The following MED12L variants were observed in gnomAD, a reference collection of about 807,000 sequenced individuals.
MED12L encodes the protein mediator complex subunit 12L.
MED12L carries 60 observed loss-of-function variants against 281.3 expected under a neutral mutation model. That is an observed-to-expected ratio of 0.21 (90% CI 0.17 to 0.26). The LOEUF is 0.26. Among genes scored for constraint, MED12L ranks in the 10% least tolerant of loss-of-function variants. MED12L has a pLI of 1.00. For synonymous variants in MED12L, 974 were observed against 987.2 expected (o/e 0.99, Z 0.25); for missense variants, 2,146 against 2,680.9 (o/e 0.80, Z 4.41).
At chr3:151,111,271 T>A (rs776203337) in intron 2 of MED12L, among the ~76,000 whole-genome samples, 28 of 152,222 alleles carry the variant, frequency 1.8e-4, no homozygotes, top group Non-Finnish European at 2.5e-4. Context: ...TTGCCAGCCA[T>A]TTTTATATGG....
chr3:151,293,337 G>C (rs116408791), intron 16 of MED12L, among the ~76,000 whole-genome samples: 4,412 of 152,202 alleles, frequency 0.029, 197 homozygotes, highest in African/African-American at 0.1. Flanking sequence ...CTTTTAGTCA[G>C]CAAACACGCC....
intron 5 of MED12L, among the ~76,000 whole-genome samples, chr3:151,151,001 T>TTCTTATCA (rs1272186459): frequency 6.7e-6 from 1 of 149,374 alleles, no homozygotes; most frequent in Non-Finnish European, 1.5e-5. Context: ...TTGTTTTGCT[T>TTCTTATCA]TCTTATCATT....
intron 16 of MED12L, among the ~76,000 whole-genome samples, chr3:151,227,841 G>A (rs1158616438): frequency 6.6e-6 from 1 of 152,168 alleles, no homozygotes; most frequent in East Asian, 1.9e-4. Context: ...TTCGGTTTCA[G>A]TTCTTTGTGG....
intron 16 of MED12L, among the ~76,000 whole-genome samples, chr3:151,227,390 C>A (rs1320233227): frequency 6.6e-6 from 1 of 152,114 alleles, no homozygotes; most frequent in Non-Finnish European, 1.5e-5. Flanking sequence ...CAAACAGATC[C>A]AACTCTTGAT....
chr3:151,290,089 C>T (rs1048668643), intron 16 of MED12L, among the ~76,000 whole-genome samples: 6 of 152,080 alleles, frequency 3.9e-5, no homozygotes, highest in African/African-American at 1.4e-4. Context: ...GACAGGGTTT[C>T]ACCATGTTGG....
chr3:151,336,428 A>C (rs1478460032), intron 16 of MED12L: 1 of 446,098 alleles, frequency 2.2e-6, no homozygotes, highest in Non-Finnish European at 4.5e-6. Context: ...AGAGGGTTTC[A>C]ATAAAAGTGA....
In MED12L at chr3:151,291,720, C is replaced by T. The variant is rs557052958; in HGVS notation, c.2251-58339C>T. Among the ~76,000 whole-genome samples the T allele has an allele frequency of 3.9e-5, 6 of 152,238 alleles. No homozygotes were observed. In the East Asian group the frequency reaches 1.2e-3, roughly 29 times the overall value. ...ATTATGTAACTTCTGACACTAGCAT[C>T]ATGTATTATTCCCATTGATGTTATT... On this transcript the variant is annotated intron_variant, in intron 16 of 44. Coordinates refer to ENST00000687756, the MANE Select transcript of MED12L (RefSeq NM_001393769.1).
At chr3:151,099,295 T>C (rs962959499) in intron 2 of MED12L, among the ~76,000 whole-genome samples, 13 of 152,232 alleles carry the variant, frequency 8.5e-5, no homozygotes, top group Non-Finnish European at 1.3e-4. Flanking sequence ...TTCCAAACTT[T>C]CTGCTCTTGG....
At position 151,372,576 on chromosome 3, in the gene MED12L, A is replaced by C; in HGVS notation, c.3674A>C (p.Lys1225Thr). ...LKAIMMLGDA[K>T]IGNNSVSSLK... ...TGATTCTATTACTTAGGAGATGCCAAAATTGGCAATAACAGTGTCAGCTCT... is the reference window on the plus strand; with the variant it reads ...TGATTCTATTACTTAGGAGATGCCACAATTGGCAATAACAGTGTCAGCTCT... Residue 1225 changes from lysine to threonine, a missense_variant, in exon 27 of 45, where the codon AAA becomes ACA. Around this residue, in one of 9 missense-constraint regions of MED12L, gnomAD observed 235 missense variants for 260.3 expected, o/e 0.90. Coordinates refer to ENST00000687756, the MANE Select transcript of MED12L (RefSeq NM_001393769.1). The C allele has an allele frequency of 6.2e-7, 1 of 1,613,710 alleles. No homozygotes were observed. Among genetic ancestry groups the C allele is most frequent in the South Asian group, 1.1e-5 (1 of 91,064 alleles).
In MED12L at chr3:151,169,140, C is replaced by T. The variant is rs533453608; in HGVS notation, c.1494+3158C>T. ...TTTTTTTGTTTTTTTTTTTTTGAGA[C>T]GGAGTCTCTGTCTGTCTCCCAGGCT... is the stretch of plus-strand genomic sequence containing the variant. On this transcript the variant is annotated intron_variant, in intron 11 of 44. Coordinates refer to ENST00000687756, the MANE Select transcript of MED12L (RefSeq NM_001393769.1). 3.5e-5 allele frequency among the ~76,000 whole-genome samples: 4 copies of T among 113,642 alleles called. No homozygotes were observed. The East Asian group carries it at 8.2e-4, about 23-fold the overall frequency. 74.6% of individuals were successfully genotyped at this position (113,642 alleles called of 152,430 possible). A position where few individuals can be genotyped will look rare whatever the true frequency, so the allele number is the denominator to read the frequency against.
Position 151,166,636 on chromosome 3 carries a change from C to T in MED12L, c.1494+654C>T, listed in dbSNP as rs575865566. 5.0e-4 allele frequency among the ~76,000 whole-genome samples: 76 copies of T among 150,986 alleles called. 1 individual carries two copies. The highest frequency in any genetic ancestry group is 1.7e-3 in the African/African-American group (72 of 41,160). ...GATGTGGCGGTCTTGAGTCCATAGG[C>T]AGTCTGGAGGCAGAATTCTTTCTTC... On this transcript the variant is annotated intron_variant, in intron 11 of 44. Coordinates refer to ENST00000687756, the MANE Select transcript of MED12L (RefSeq NM_001393769.1).
chr3:151,252,700 G>A (rs56654214), intron 16 of MED12L, among the ~76,000 whole-genome samples: 3,161 of 152,226 alleles, frequency 0.021, 103 homozygotes, highest in African/African-American at 0.073. Flanking sequence ...TATGATGCAT[G>A]CAAATAGACT....
At chr3:151,300,204 G>A in intron 16 of MED12L, 1 of 832,908 alleles carries the variant, frequency 1.2e-6, no homozygotes, top group African/African-American at 1.7e-5. Context: ...GATTTCTGGG[G>A]AGAAAATGAA....
intron 16 of MED12L, chr3:151,338,465 G>A (rs1264494187): frequency 1.9e-6 from 3 of 1,613,930 alleles, no homozygotes; most frequent in Non-Finnish European, 2.5e-6. Flanking sequence ...TAAATGGCCT[G>A]GTGGTCTTCT....
At chr3:151,332,202 T>C (rs1750428249) in intron 16 of MED12L, among the ~76,000 whole-genome samples, 1 of 152,208 alleles carries the variant, frequency 6.6e-6, no homozygotes, top group African/African-American at 2.4e-5. Flanking sequence ...GTAGTCTTAT[T>C]TGGGATTTCT....
rs766330189 is a variant in MED12L, at chr3:151,384,097, C to T, written c.4805C>T (p.Thr1602Ile). ...DMHTNNELFT[T>I]VLDMLGVLIN... is the part of the protein sequence containing the mutation. ...TTCTTTCTTAGTGAATTATTCACAA[C>T]AGTTCTTGACATGCTGGGTGTTTTA... The change falls in exon 35 of 45, where the codon ACA becomes ATA. Residue 1602 changes from threonine to isoleucine, a missense_variant. Thr to Ile is a moderately conservative substitution (Grantham distance 89, BLOSUM62 -1). Transcript: ENST00000687756. 3.0e-5 allele frequency: 48 copies of T among 1,613,408 alleles called. No individual in the cohort carries two copies. Among genetic ancestry groups the T allele is most frequent in the Non-Finnish European group, 3.7e-5 (44 of 1,179,708 alleles).
chr3:151,432,861 AATT>A lies in MED12L; in HGVS notation c.*58_*60del. On this transcript the variant is annotated 3_prime_UTR_variant, in exon 45 of 45. Coordinates refer to ENST00000687756, the MANE Select transcript of MED12L (RefSeq NM_001393769.1). ...GTTTGCACTGAAAAACAGAAAATCA[AATT>A]TAATGCATTAGTCATCTTAAAAATG... 7.6e-7 allele frequency: 1 copy of A among 1,312,660 alleles called. No individual in the cohort carries two copies. 81.3% of individuals were successfully genotyped at this position (1,312,660 alleles called of 1,614,324 possible).
intron 5 of MED12L, among the ~76,000 whole-genome samples, chr3:151,151,832 T>C (rs1718568290): frequency 1.3e-5 from 2 of 152,082 alleles, no homozygotes; most frequent in South Asian, 2.1e-4. Context: ...TGTGAACATA[T>C]GCTGTTGGGA....
At chr3:151,216,580 A>G (rs1318128523) in intron 16 of MED12L, among the ~76,000 whole-genome samples, 2 of 152,072 alleles carry the variant, frequency 1.3e-5, no homozygotes, top group East Asian at 3.9e-4. Flanking sequence ...GATAGACTTG[A>G]TTTTGCCAGT....
Sources: allele counts gnomAD v4.1 joint callset (sites outside exome capture counted in the v4.1 genomes callset), GRCh38; gene constraint gnomAD v4.1.1; regional missense constraint gnomAD v4.1.1; transcripts MANE v1.5; gene names NCBI Gene and HGNC (gene_info 2026-07-23, HGNC 2026-07-21).